Variants in ZSWIM3 observed in about 807,000 individuals in gnomAD.
The protein encoded by ZSWIM3 is zinc finger SWIM domain-containing protein 3.
ZSWIM3 carries 27 observed loss-of-function variants against 47.5 expected under a neutral mutation model. The observed-to-expected ratio is 0.57, with a 90% CI of 0.42 to 0.78. The LOEUF (loss-of-function observed/expected upper bound fraction) is 0.78. Ranked by LOEUF, ZSWIM3 falls within the 30% of genes least tolerant of loss-of-function variation. The probability of loss-of-function intolerance (pLI) is 0.00; values close to 1 mark genes in which losing one functional copy is unlikely to be tolerated. For missense variants in ZSWIM3, 689 were observed against 861.3 expected, an observed-to-expected ratio of 0.80 and a Z score of 2.50; for synonymous variants, 333 against 333.9, an observed-to-expected ratio of 1.00 and a Z score of 0.03.
At chr20:45,867,001 AATTTT>A (rs1195090637) in intron 1 of ZSWIM3, among the ~76,000 whole-genome samples, 6 of 131,180 alleles carry the variant, frequency 4.6e-5, no homozygotes, top group Non-Finnish European at 9.6e-5. Context: ...TCAAGTTAGA[AATTTT>A]TTTTTTTTTT....
At chr20:45,868,501 G>A (rs555079622) in intron 1 of ZSWIM3, among the ~76,000 whole-genome samples, 1 of 151,900 alleles carries the variant, frequency 6.6e-6, no homozygotes, top group East Asian at 1.9e-4. Context: ...TGCAGCCTCA[G>A]CCTCCTGAGT....
chr20:45,866,970 C>T (rs1373086027), intron 1 of ZSWIM3, among the ~76,000 whole-genome samples: 1 of 147,210 alleles, frequency 6.8e-6, no homozygotes, highest in Non-Finnish European at 1.5e-5. Flanking sequence ...CAAAAGTTCA[C>T]GTCAAAAAAA....
chr20:45,861,158 A>G (rs939397660), intron 1 of ZSWIM3, among the ~76,000 whole-genome samples: 2 of 152,160 alleles, frequency 1.3e-5, no homozygotes. Flanking sequence ...GCTCACACGT[A>G]TAATTCCAGC....
intron 1 of ZSWIM3, chr20:45,872,710 C>A: frequency 1.6e-6 from 2 of 1,288,070 alleles, no homozygotes; most frequent in East Asian, 5.5e-5. Flanking sequence ...GCTGGAGAGA[C>A]AAGCGGAGAC....
chr20:45,871,786 AG>A (rs1985980028), intron 1 of ZSWIM3, among the ~76,000 whole-genome samples: 1 of 151,364 alleles, frequency 6.6e-6, no homozygotes, highest in South Asian at 2.1e-4. Flanking sequence ...GCTTGAACCC[AG>A]GAGGCAGAGG....
At chr20:45,867,463 G>A (rs1362366409) in intron 1 of ZSWIM3, among the ~76,000 whole-genome samples, 6 of 152,158 alleles carry the variant, frequency 3.9e-5, no homozygotes, top group African/African-American at 1.4e-4. Context: ...AGCCAGTAGA[G>A]CTGTTCAAAC....
intron 1 of ZSWIM3, among the ~76,000 whole-genome samples, chr20:45,861,442 AG>A (rs1317076720): frequency 6.9e-6 from 1 of 145,430 alleles, no homozygotes; most frequent in Non-Finnish European, 1.5e-5. Flanking sequence ...AAAAAAAAAA[AG>A]CAAGCAGTGA....
chr20:45,878,995 G>T lies in ZSWIM3; in HGVS notation c.*346G>T. 1 of 211,314 alleles carries T rather than the reference G, an allele frequency of 4.7e-6. No homozygotes were observed. Among genetic ancestry groups the T allele is most frequent in the Admixed American group, 5.3e-5 (1 of 18,738 alleles). The allele number at this position is 211,314 out of a possible 1,614,324, so 13.1% of individuals were successfully genotyped here. ...CCTCAGGTTAGGGTGAGACAAAATC[G>T]GTCTGGTAAAAGGGCCTGTTTTCAG... On this transcript the variant is annotated 3_prime_UTR_variant, in exon 2 of 2. Transcript: ENST00000255152.
Position 45,878,653 on chromosome 20 carries a change from A to C in ZSWIM3, c.*4A>C. 1 of 1,597,728 alleles carries C rather than the reference A, an allele frequency of 6.3e-7. No homozygotes were observed. The highest frequency in any genetic ancestry group is 8.6e-7 in the Non-Finnish European group (1 of 1,168,958). On this transcript the variant is annotated 3_prime_UTR_variant, in exon 2 of 2. Coordinates refer to ENST00000255152, the MANE Select transcript of ZSWIM3 (RefSeq NM_080752.4). Reference sequence around the variant, plus strand: ...TACAGCTGTGATGCATTATTGAAGCACTTTAGCTGAAGCATTGGACCACAA... The same window carrying C: ...TACAGCTGTGATGCATTATTGAAGCCCTTTAGCTGAAGCATTGGACCACAA...
intron 1 of ZSWIM3, among the ~76,000 whole-genome samples, chr20:45,872,427 A>T (rs1985995545): frequency 6.6e-6 from 1 of 152,224 alleles, no homozygotes; most frequent in Non-Finnish European, 1.5e-5. Flanking sequence ...AGTACACATA[A>T]AGTCAATATA....
intron 1 of ZSWIM3, among the ~76,000 whole-genome samples, chr20:45,865,045 G>A (rs1207384432): frequency 5.9e-5 from 9 of 151,872 alleles, no homozygotes; most frequent in Non-Finnish European, 1.2e-4. Flanking sequence ...TAGCCGGGGC[G>A]CAGTGGCTCA....
intron 1 of ZSWIM3, chr20:45,872,909 G>T: frequency 5.1e-6 from 6 of 1,176,404 alleles, no homozygotes; most frequent in Non-Finnish European, 6.4e-6. Flanking sequence ...GCCCCACAGG[G>T]TGAGCAAACT....
At chr20:45,864,973 A>G (rs942010497) in intron 1 of ZSWIM3, among the ~76,000 whole-genome samples, 3 of 152,168 alleles carry the variant, frequency 2.0e-5, no homozygotes, top group Admixed American at 1.3e-4. Context: ...GATCAAGACC[A>G]TCCTGGCTAA....
chr20:45,858,567 A>T (rs1180573977), intron 1 of ZSWIM3, among the ~76,000 whole-genome samples: 1 of 152,108 alleles, frequency 6.6e-6, no homozygotes, highest in Non-Finnish European at 1.5e-5. Flanking sequence ...TTTTGTACAG[A>T]CTGGGTCTTG....
chr20:45,872,838 T>A, intron 1 of ZSWIM3: 1 of 1,274,706 alleles, frequency 7.8e-7, no homozygotes, highest in Non-Finnish European at 1.0e-6. Flanking sequence ...ACAGACACTC[T>A]CAGCCCCAAA....
chr20:45,870,265 G>A (rs1170543643), intron 1 of ZSWIM3, among the ~76,000 whole-genome samples: 3 of 151,614 alleles, frequency 2.0e-5, no homozygotes, highest in Non-Finnish European at 4.4e-5. Context: ...GCTTGAACCC[G>A]GGAGGCGGAG....
At chr20:45,873,680 A>G (rs956222621) in intron 1 of ZSWIM3, among the ~76,000 whole-genome samples, 7 of 152,186 alleles carry the variant, frequency 4.6e-5, no homozygotes, top group East Asian at 3.8e-4. Flanking sequence ...TGATGAGGAA[A>G]CTGTATACAG....
Position 45,877,386 on chromosome 20 carries a change from GC to G in ZSWIM3, c.831del (p.Lys278ArgfsTer54). The G allele has an allele frequency of 6.2e-7, 1 of 1,614,148 alleles. No individual in the cohort carries two copies. Among genetic ancestry groups the G allele is most frequent in the Non-Finnish European group, 8.5e-7 (1 of 1,180,026 alleles). ...TCTTCACAGAGTTCAACTCCGATTG[GC>G]CCAAGGTCAAGGTGGTCTTTGTGGA... ...SIFTEFNSDW[P>X]KVKVVFVDPS... On this transcript the variant is annotated frameshift_variant, in exon 2 of 2. Coordinates refer to ENST00000255152, the MANE Select transcript of ZSWIM3 (RefSeq NM_080752.4). LOFTEE classifies it high-confidence loss of function.
intron 1 of ZSWIM3, among the ~76,000 whole-genome samples, chr20:45,859,424 A>G (rs935911375): frequency 3.9e-5 from 3 of 75,998 alleles, no homozygotes; most frequent in South Asian, 4.5e-4. Context: ...AGGAATGTGG[A>G]AAAAAAAAAA....
Sources: gnomAD v4.1 joint callset for allele counts (sites outside exome capture counted in the v4.1 genomes callset) on GRCh38, gnomAD v4.1.1 for gene constraint, MANE v1.5 for transcripts, NCBI Gene and HGNC (gene_info 2026-07-23, HGNC 2026-07-21) for gene names.